The following PELP1 variants were observed in gnomAD, a reference collection of about 807,000 sequenced individuals.
The protein encoded by PELP1 is proline-, glutamic acid- and leucine-rich protein 1.
In PELP1, 32 loss-of-function variants were observed where a neutral mutation model predicts 95.5. That is an observed-to-expected ratio of 0.34 (90% confidence interval 0.25 to 0.45). The LOEUF (loss-of-function observed/expected upper bound fraction) is 0.45. Ranked by LOEUF, PELP1 falls within the 20% of genes least tolerant of loss-of-function variation. PELP1 has a pLI of 1.00. For synonymous variants in PELP1, 668 were observed against 600.1 expected (o/e 1.11, Z -1.65); for missense variants, 1,358 against 1,444.8 (o/e 0.94, Z 0.97).
At chr17:4,693,068 G>A (rs1320051449) in intron 1 of PELP1, among the ~76,000 whole-genome samples, 1 of 152,140 alleles carries the variant, frequency 6.6e-6, no homozygotes, top group East Asian at 1.9e-4. Context: ...AAGATGTATT[G>A]ATACTCTCAA....
chr17:4,672,780 GTCC>G lies in PELP1; in HGVS notation c.2208_2210del (p.Glu736del), dbSNP rs1567659968. On this transcript the variant is annotated inframe_deletion, in exon 16 of 17. Transcript: ENST00000572293. ...GAGTCCCACTAGGGGCAAGGATGGG[GTCC>G]TCATTTGAGCCTGCCCGGTGGTTCT... is the stretch of plus-strand genomic sequence containing the variant. 1.2e-6 allele frequency: 2 copies of G among 1,613,710 alleles called. No individual in the cohort carries two copies. Among genetic ancestry groups the G allele is most frequent in the Admixed American group, 3.3e-5 (2 of 59,968 alleles).
Position 4,671,471 on chromosome 17 carries a change from T to G in PELP1, c.3361A>C (p.Lys1121Gln). Residue 1121 changes from lysine (K) to glutamine (Q), a missense_variant, in exon 17 of 17, where the codon AAG becomes CAG. By Grantham distance (53) the Lys-to-Gln change is moderately conservative (BLOSUM62 1). This residue lies in a region of PELP1 where 283 missense variants were observed against 284.1 expected (regional missense o/e 1.00). Coordinates refer to ENST00000572293, the MANE Select transcript of PELP1 (RefSeq NM_014389.3). ...DFIDCPPDDEKPPPPTEPDS is the reference protein window; with the variant it reads ...DFIDCPPDDEQPPPPTEPDS ...TCAGGCTCTGTGGGAGGTGGTGGCTTCTCATCATCAGGGGGACAATCGATG... is the reference window on the plus strand; with the variant it reads ...TCAGGCTCTGTGGGAGGTGGTGGCTGCTCATCATCAGGGGGACAATCGATG... The G allele has an allele frequency of 6.2e-7, 1 of 1,604,210 alleles. No homozygotes were observed. Among genetic ancestry groups the G allele is most frequent in the African/African-American group, 1.3e-5 (1 of 74,808 alleles).
In PELP1 at chr17:4,682,503, T is replaced by G. The variant is rs757184595; in HGVS notation, c.641A>C (p.Lys214Thr). 1.9e-6 allele frequency: 3 copies of G among 1,603,644 alleles called. No homozygotes were observed. The South Asian group carries it at 3.3e-5, about 18-fold the overall frequency. ...TYFPRACGSL[K>T]GKLASFFLSR... Reference sequence around the variant, plus strand: ...GGAGAAGAGTGCATAAATACTTACTTTGAGAGAACCACAAGCCCGAGGGAA... The same window carrying G: ...GGAGAAGAGTGCATAAATACTTACTGTGAGAGAACCACAAGCCCGAGGGAA... Residue 214 changes from lysine (K) to threonine (T), a missense_variant and splice_region_variant, in exon 5 of 17, where the codon AAA (lysine) becomes ACA (threonine). Lys to Thr is a moderately conservative substitution (Grantham distance 78, BLOSUM62 -1). Transcript: ENST00000572293.
At position 4,670,806 on chromosome 17, in the gene PELP1, C is replaced by G. The variant is rs1375495986; in HGVS notation, c.*633G>C. 2.0e-5 allele frequency: 3 copies of G among 152,628 alleles called. No homozygotes were observed. The highest frequency in any genetic ancestry group is 7.2e-5 in the African/African-American group (3 of 41,424). The allele number at this position is 152,628 out of a possible 1,614,324, so 9.5% of individuals were successfully genotyped here. ...GAAGGCCTGGGGTGAGCTTATCAAA[C>G]TCCTGCCAGGGAGCTGTGAGGGGAA... is the stretch of plus-strand genomic sequence containing the variant. On this transcript the variant is annotated 3_prime_UTR_variant, in exon 17 of 17. Coordinates refer to ENST00000572293, the MANE Select transcript of PELP1 (RefSeq NM_014389.3).
intron 3 of PELP1, among the ~76,000 whole-genome samples, chr17:4,685,576 G>T (rs1480667489): frequency 2.0e-5 from 3 of 151,900 alleles, no homozygotes; most frequent in Admixed American, 1.3e-4. Context: ...GACTGCTTGA[G>T]CCCAGAAGTT....
chr17:4,674,240 C>T (rs1250364762), intron 13 of PELP1, among the ~76,000 whole-genome samples: 1 of 152,274 alleles, frequency 6.6e-6, no homozygotes, highest in East Asian at 1.9e-4. Flanking sequence ...ACCGCAGGAC[C>T]CGAGGCCGCC....
rs761385672 is a variant in PELP1 at position 4,672,113 on chromosome 17, C to T, written c.2878G>A (p.Val960Met). The T allele has an allele frequency of 1.2e-5, 19 of 1,553,404 alleles. No homozygotes were observed. Among genetic ancestry groups the T allele is most frequent in the Non-Finnish European group, 1.5e-5 (17 of 1,147,980 alleles). ...DEEEEEELEE[V>M]EDLEFGTAGG... The stretch of plus-strand genomic sequence containing the variant: ...GCTGTGCCAAACTCCAGGTCTTCCA[C>T]CTCTTCCAGTTCTTCTTCCTCCTCC... Residue 960 changes from valine (V) to methionine (M), a missense_variant, in exon 16 of 17, where the codon GTG (valine) becomes ATG (methionine). By Grantham distance (21) the Val-to-Met change is conservative. Coordinates refer to ENST00000572293, the MANE Select transcript of PELP1 (RefSeq NM_014389.3).
rs1373990094 is a variant in PELP1 at position 4,672,925 on chromosome 17, A to G, written c.2066T>C (p.Met689Thr). 6.2e-7 allele frequency: 1 copy of G among 1,610,762 alleles called. No individual in the cohort carries two copies. Among genetic ancestry groups the G allele is most frequent in the South Asian group, 1.1e-5 (1 of 90,586 alleles). The change falls in exon 16 of 17, where the codon ATG becomes ACG. Residue 689 changes from methionine (M) to threonine (T), a missense_variant. Met to Thr is a moderately conservative substitution (Grantham distance 81). Coordinates refer to ENST00000572293, the MANE Select transcript of PELP1 (RefSeq NM_014389.3). ...CGAGGGCACAGGGCCTGCTGAGGGC[A>G]TGGGGCCTGCTGAAGGCATGGGGCC... ...SAGPMPSAGPMPSAGPVPSAR... is the reference protein window; with the variant it reads ...SAGPMPSAGPTPSAGPVPSAR...
At chr17:4,684,149 A>G (rs1268707617) in intron 3 of PELP1, among the ~76,000 whole-genome samples, 1 of 152,122 alleles carries the variant, frequency 6.6e-6, no homozygotes, top group Non-Finnish European at 1.5e-5. Flanking sequence ...CATCCAGCAT[A>G]TATCTCCTGC....
At position 4,671,112 on chromosome 17, in the gene PELP1, C is replaced by T. The variant is rs988699301; in HGVS notation, c.*327G>A. 2.9e-5 allele frequency: 10 copies of T among 343,334 alleles called. No homozygotes were observed. The highest frequency in any genetic ancestry group is 1.7e-3 in the Middle Eastern group (2 of 1,188). 21.3% of individuals were successfully genotyped at this position (343,334 alleles called of 1,614,324 possible). A position where few individuals can be genotyped will look rare whatever the true frequency, so the allele number is the denominator to read the frequency against. On this transcript the variant is annotated 3_prime_UTR_variant, in exon 17 of 17. Transcript: ENST00000572293. ...ACATTTCCCACCCCGAATACAAACACGAAAGCAGGGCTGTGTCTCTATAAC... is the reference window on the plus strand; with the variant it reads ...ACATTTCCCACCCCGAATACAAACATGAAAGCAGGGCTGTGTCTCTATAAC...
At chr17:4,678,549 C>T (rs6502807) in intron 5 of PELP1, among the ~76,000 whole-genome samples, 145,806 of 152,330 alleles carry the variant, frequency 0.96, 70,109 homozygotes, top group East Asian at 1. Flanking sequence ...TACGGTGAAG[C>T]GACACGGCTC....
Position 4,676,744 on chromosome 17 carries a change from G to T in PELP1, c.702+9C>A. The T allele has an allele frequency of 6.4e-7, 1 of 1,564,484 alleles. No individual in the cohort carries two copies. The highest frequency in any genetic ancestry group is 2.4e-5 in the East Asian group (1 of 42,090). On this transcript the variant is annotated intron_variant, in intron 6 of 16. Coordinates refer to ENST00000572293, the MANE Select transcript of PELP1 (RefSeq NM_014389.3). ...CCCCGGGCTCTCCCTCTCCCTCCCT[G>T]CCCTTTACCTGTTGGAGCTGAGGGC...
At chr17:4,680,732 C>T (rs1237875839) in intron 5 of PELP1, among the ~76,000 whole-genome samples, 1 of 152,208 alleles carries the variant, frequency 6.6e-6, no homozygotes, top group Non-Finnish European at 1.5e-5. Context: ...TCTGAGTAAG[C>T]AGGTGTCCGA....
Position 4,671,767 on chromosome 17 carries a change from T to G in PELP1, c.3224A>C (p.Lys1075Thr), listed in dbSNP as rs749744187. Residue 1075 changes from lysine to threonine, a missense_variant, in exon 16 of 17, where the codon AAG (lysine) becomes ACG (threonine). This residue lies in a region of PELP1 where 283 missense variants were observed against 284.1 expected (regional missense o/e 1.00). Coordinates refer to ENST00000572293, the MANE Select transcript of PELP1 (RefSeq NM_014389.3). ...LEEETEDGSDKVQPPPETPAE... is the reference protein window; with the variant it reads ...LEEETEDGSDTVQPPPETPAE... ...AGGTGTCTCTGGTGGGGGCTGCACC[T>G]TGTCACTCCCATCCTCAGTCTCCTC... The G allele has an allele frequency of 2.0e-6, 3 of 1,520,408 alleles. No individual in the cohort carries two copies. The highest frequency in any genetic ancestry group is 1.8e-6 in the Non-Finnish European group (2 of 1,138,500). The allele number at this position is 1,520,408 out of a possible 1,614,324, so 94.2% of individuals were successfully genotyped here. A position where few individuals can be genotyped will look rare whatever the true frequency, so the allele number is the denominator to read the frequency against.
At chr17:4,689,372 T>C (rs571402298) in intron 3 of PELP1, among the ~76,000 whole-genome samples, 2 of 152,102 alleles carry the variant, frequency 1.3e-5, no homozygotes, top group Admixed American at 6.6e-5. Context: ...GCAAAACAAA[T>C]AATCAGTAAA....
chr17:4,690,636 CA>C (rs1913065553), intron 3 of PELP1, among the ~76,000 whole-genome samples: 1 of 152,072 alleles, frequency 6.6e-6, no homozygotes, highest in Non-Finnish European at 1.5e-5. Flanking sequence ...GCAGGAGAAT[CA>C]TTCGAACCCA....
At chr17:4,682,775 T>C (rs754637928) in intron 4 of PELP1, 28 bp downstream of exon 4, 25 of 1,543,704 alleles carry the variant, frequency 1.6e-5, no homozygotes, top group Non-Finnish European at 8.7e-7. Context: ...CGGGGGGCCA[T>C]GGGGAAGGGT....
chr17:4,673,446 T>C lies in PELP1; in HGVS notation c.1649A>G (p.Asp550Gly). Residue 550 changes from aspartate (D) to glycine (G), a missense_variant, in exon 15 of 17, where the codon GAC becomes GGC. Around this residue, in one of 7 missense-constraint regions of PELP1, gnomAD observed 538 missense variants for 628.1 expected, o/e 0.86. Coordinates refer to ENST00000572293, the MANE Select transcript of PELP1 (RefSeq NM_014389.3). The surrounding 1 kb of genome is among the most constrained non-coding windows in gnomAD (Gnocchi z 5.7). Reference sequence around the variant, plus strand: ...ACCCATGACCAGGGGGAGGACCAGGTCATGCAGTCTCTGAAAAGGACAGAG... The same window carrying C: ...ACCCATGACCAGGGGGAGGACCAGGCCATGCAGTCTCTGAAAAGGACAGAG... ...IKEETHRRLH[D>G]LVLPLVMGVQ... 6.3e-7 allele frequency: 1 copy of C among 1,589,794 alleles called. No individual in the cohort carries two copies. Among genetic ancestry groups the C allele is most frequent in the Non-Finnish European group, 8.6e-7 (1 of 1,168,442 alleles).
rs1324947376 is a variant in PELP1, at chr17:4,676,144, C to A, written c.872G>T (p.Gly291Val). The change falls in exon 8 of 17, where the codon GGC becomes GTC. Residue 291 changes from glycine to valine, a missense_variant. Coordinates refer to ENST00000572293, the MANE Select transcript of PELP1 (RefSeq NM_014389.3). ...GAETAPVQNE[G>V]PGVEMLLSSE... ...GGACAGCAGCATCTCCACCCCAGGG[C>A]CTTCATTCTGCACAGGAGCTGGCAG... The A allele has an allele frequency of 6.2e-7, 1 of 1,613,856 alleles. No individual in the cohort carries two copies. Among genetic ancestry groups the A allele is most frequent in the African/African-American group, 1.3e-5 (1 of 74,928 alleles).
Sources: gnomAD v4.1 joint callset for allele counts (sites outside exome capture counted in the v4.1 genomes callset) on GRCh38, gnomAD v4.1.1 for gene constraint, gnomAD v4.1.1 regional missense constraint, Gnocchi (gnomAD v3.1) non-coding constraint, MANE v1.5 for transcripts, NCBI Gene and HGNC (gene_info 2026-07-23, HGNC 2026-07-21) for gene names.